Variants in ADGRL4 observed in about 807,000 individuals in gnomAD.
ADGRL4 encodes the protein EGF, latrophilin and seven transmembrane domain containing 1.
In ADGRL4, 90 loss-of-function variants were observed where a neutral mutation model predicts 74.8. That is an observed-to-expected ratio of 1.20 (90% CI 1.02 to 1.43). ADGRL4 has a LOEUF of 1.43. Ranked by LOEUF, ADGRL4 falls within the 40% of genes most tolerant of loss-of-function variation. The probability of loss-of-function intolerance (pLI) is 0.00; values close to 1 mark genes in which losing one functional copy is unlikely to be tolerated. For missense variants in ADGRL4, 881 were observed against 814.3 expected, an observed-to-expected ratio of 1.08 and a Z score of -1.00; for synonymous variants, 311 against 279.2, an observed-to-expected ratio of 1.11 and a Z score of -1.14.
At chr1:78,956,719 T>A (rs565790305) in intron 2 of ADGRL4, among the ~76,000 whole-genome samples, 9 of 152,218 alleles carry the variant, frequency 5.9e-5, no homozygotes, top group Non-Finnish European at 1.2e-4. Context: ...TAAAATTACC[T>A]AATGTTTGAG....
At chr1:78,939,327 T>C (rs1649427092) in intron 3 of ADGRL4, 69 bp from the exon 4 acceptor site, 3 of 1,303,292 alleles carry the variant, frequency 2.3e-6, no homozygotes, top group South Asian at 3.9e-5. Flanking sequence ...ATCATATCAA[T>C]CCCAATGATC....
At chr1:78,951,555 A>G (rs1649723266) in intron 2 of ADGRL4, among the ~76,000 whole-genome samples, 1 of 152,218 alleles carries the variant, frequency 6.6e-6, no homozygotes, top group African/African-American at 2.4e-5. Context: ...AGTTATATCA[A>G]CAAGTAGATT....
At chr1:78,946,509 G>A (rs1259035181) in intron 2 of ADGRL4, 83 bp from the exon 3 acceptor site, 4 of 1,185,040 alleles carry the variant, frequency 3.4e-6, no homozygotes, top group Non-Finnish European at 4.7e-6. Flanking sequence ...TTGGAATATT[G>A]ACTGTTAGAT....
At chr1:78,989,106 T>A (rs1051693879) in intron 2 of ADGRL4, among the ~76,000 whole-genome samples, 2 of 151,780 alleles carry the variant, frequency 1.3e-5, no homozygotes, top group Non-Finnish European at 2.9e-5. Flanking sequence ...ACTTATTCAA[T>A]TTCTGTGTAA....
chr1:78,989,478 T>A (rs565963022), intron 2 of ADGRL4, among the ~76,000 whole-genome samples: 2,434 of 151,974 alleles, frequency 0.016, 62 homozygotes, highest in African/African-American at 0.055. Context: ...TTTATTTTGT[T>A]TTTTTTCCTT....
intron 2 of ADGRL4, among the ~76,000 whole-genome samples, chr1:78,973,191 T>C (rs1392898876): frequency 6.6e-6 from 1 of 152,174 alleles, no homozygotes; most frequent in Non-Finnish European, 1.5e-5. Flanking sequence ...AGAACTACTC[T>C]TACTTTCAAA....
chr1:78,991,924 T>C (rs1165278198), intron 2 of ADGRL4, among the ~76,000 whole-genome samples: 1 of 152,024 alleles, frequency 6.6e-6, no homozygotes, highest in African/African-American at 2.4e-5. Flanking sequence ...ATATTTCAAT[T>C]AATGTGTACC....
intron 2 of ADGRL4, among the ~76,000 whole-genome samples, chr1:78,967,527 A>T (rs138359649): frequency 2.8e-4 from 43 of 152,346 alleles, no homozygotes; most frequent in African/African-American, 1.0e-3. Context: ...GTAAATGGTT[A>T]TAATAAAGGC....
intron 7 of ADGRL4, among the ~76,000 whole-genome samples, chr1:78,933,072 AT>A: frequency 6.6e-6 from 1 of 151,586 alleles, no homozygotes; most frequent in East Asian, 1.9e-4. Context: ...TCCCTAGCTC[AT>A]TTTATGAAGC....
chr1:78,920,451 C>T (rs1296850229), intron 9 of ADGRL4, 65 bp from the exon 10 acceptor site: 2 of 945,364 alleles, frequency 2.1e-6, no homozygotes, highest in East Asian at 2.6e-5. Flanking sequence ...GGAACTACAA[C>T]ATATAATGAA....
chr1:78,971,991 G>A (rs1357593006), intron 2 of ADGRL4, among the ~76,000 whole-genome samples: 1 of 152,086 alleles, frequency 6.6e-6, no homozygotes, highest in Non-Finnish European at 1.5e-5. Flanking sequence ...CTGACCTTAG[G>A]TGATGCACCT....
rs754344139 is a variant in ADGRL4, at chr1:78,889,962, A to G, written c.*1192T>C. ...AGATTTAAAGACAGATAGAAGCTAT[A>G]TATTTAAGCAGATATGATTTAATAG... On this transcript the variant is annotated 3_prime_UTR_variant, in exon 15 of 15. Transcript: ENST00000370742. 3.6e-5 allele frequency: 11 copies of G among 303,740 alleles called. No individual in the cohort carries two copies. The highest frequency in any genetic ancestry group is 6.1e-5 in the Non-Finnish European group (9 of 146,404). 18.8% of individuals were successfully genotyped at this position (303,740 alleles called of 1,614,324 possible). A position where few individuals can be genotyped will look rare whatever the true frequency, so the allele number is the denominator to read the frequency against.
chr1:78,937,764 T>C (rs1372660927), intron 6 of ADGRL4, 43 bp downstream of exon 6: 1 of 1,567,106 alleles, frequency 6.4e-7, no homozygotes, highest in African/African-American at 1.4e-5. Flanking sequence ...AAATGGCTTA[T>C]TTGGAAAACA....
chr1:78,978,980 A>G (rs776379050), intron 2 of ADGRL4, among the ~76,000 whole-genome samples: 3 of 151,926 alleles, frequency 2.0e-5, no homozygotes, highest in African/African-American at 4.8e-5. Context: ...TAGCAGCAGC[A>G]ATTTTTTGAA....
chr1:78,998,104 C>T (rs1296714207), intron 2 of ADGRL4, among the ~76,000 whole-genome samples: 2 of 152,180 alleles, frequency 1.3e-5, no homozygotes, highest in African/African-American at 4.8e-5. Flanking sequence ...GGGAAGAGGA[C>T]AGGATCCCAC....
chr1:78,928,636 A>G (rs960129200), intron 7 of ADGRL4, among the ~76,000 whole-genome samples: 3 of 151,408 alleles, frequency 2.0e-5, no homozygotes, highest in African/African-American at 4.9e-5. Context: ...ATAGCCTTCA[A>G]TTTAATTGAT....
At chr1:78,913,471 A>C (rs1344599217) in intron 12 of ADGRL4, among the ~76,000 whole-genome samples, 1 of 151,936 alleles carries the variant, frequency 6.6e-6, no homozygotes, top group East Asian at 1.9e-4. Flanking sequence ...TGTCCTTTGC[A>C]GGGTCGTGGA....
At chr1:78,917,088 T>A (rs1164607999) in intron 12 of ADGRL4, among the ~76,000 whole-genome samples, 4 of 151,886 alleles carry the variant, frequency 2.6e-5, no homozygotes, top group Non-Finnish European at 5.9e-5. Context: ...TTGTCTCTGC[T>A]GTTGCAATTT....
chr1:78,941,009 C>T (rs939161813), intron 3 of ADGRL4, among the ~76,000 whole-genome samples: 2 of 152,240 alleles, frequency 1.3e-5, no homozygotes, highest in East Asian at 1.9e-4. Flanking sequence ...GTTCTTCTGA[C>T]AAGTATATAT....
Sources: gnomAD v4.1 joint callset for allele counts (sites outside exome capture counted in the v4.1 genomes callset) on GRCh38, gnomAD v4.1.1 for gene constraint, MANE v1.5 for transcripts, NCBI Gene and HGNC (gene_info 2026-07-23, HGNC 2026-07-21) for gene names.